STAG3: variants seen among roughly 807,000 people sequenced by gnomAD.
STAG3 encodes the protein cohesin subunit SA-3.
In STAG3, 101 loss-of-function variants were observed where a neutral mutation model predicts 160.7. The ratio of observed to expected loss-of-function variants is 0.63; its 90% CI spans 0.54 to 0.74. The LOEUF is 0.74. Ranked by LOEUF, STAG3 falls within the 30% of genes least tolerant of loss-of-function variation. STAG3 has a pLI of 0.00. For synonymous variants in STAG3, 519 were observed against 585.0 expected, an observed-to-expected ratio of 0.89 and a Z score of 1.63; for missense variants, 1,188 against 1,517.4, an observed-to-expected ratio of 0.78 and a Z score of 3.61.
chr7:100,194,527 C>T (rs931975397), intron 8 of STAG3, among the ~76,000 whole-genome samples: 2 of 152,180 alleles, frequency 1.3e-5, no homozygotes, highest in African/African-American at 4.8e-5. Context: ...TGGCCCATGC[C>T]TGTAATCCCA....
intron 4 of STAG3, among the ~76,000 whole-genome samples, chr7:100,185,359 G>A (rs576682536): frequency 6.6e-6 from 1 of 152,286 alleles, no homozygotes; most frequent in South Asian, 2.1e-4. Flanking sequence ...CACTTTGGGA[G>A]GCTAAGGTGG....
At chr7:100,197,044 C>T (rs1800734599) in intron 9 of STAG3, 112 bp from the exon 10 acceptor site, 6 of 931,812 alleles carry the variant, frequency 6.4e-6, no homozygotes, top group Non-Finnish European at 1.0e-5. Context: ...GCATGGGGTA[C>T]ATGGCATTTC....
downstream of STAG3, among the ~76,000 whole-genome samples, chr7:100,217,529 CAAAG>C (rs1251605970): frequency 3.3e-5 from 5 of 151,710 alleles, no homozygotes; most frequent in African/African-American, 1.2e-4. Context: ...AGACACAAGA[CAAAG>C]AGATAGAAGA....
intron 6 of STAG3, 89 bp from the exon 7 acceptor site, chr7:100,188,723 A>T: frequency 1.5e-6 from 2 of 1,344,948 alleles, no homozygotes; most frequent in Non-Finnish European, 2.1e-6. Context: ...AGATATTTTT[A>T]CTGGACTGTT....
intron 31 of STAG3, 67 bp from the exon 32 acceptor site, chr7:100,211,728 G>A (rs1802229021): frequency 6.4e-7 from 1 of 1,550,966 alleles, no homozygotes. Context: ...CACCCCGGGT[G>A]TCTGAGAAAC....
chr7:100,216,699 G>C (rs1240936477), downstream of STAG3, among the ~76,000 whole-genome samples: 1 of 151,932 alleles, frequency 6.6e-6, no homozygotes, highest in African/African-American at 2.4e-5. Flanking sequence ...TACTCGGGAG[G>C]CTGAGACAGG....
At position 100,197,259 on chromosome 7, in the gene STAG3, G is replaced by A. The variant is rs1352616907; in HGVS notation, c.1045G>A (p.Gly349Ser). The change falls in exon 10 of 34, where the codon GGT (glycine) becomes AGT (serine). Residue 349 changes from glycine (G) to serine (S), a missense_variant. By Grantham distance (56) the Gly-to-Ser change is moderately conservative. Coordinates refer to ENST00000615138, the MANE Select transcript of STAG3 (RefSeq NM_001282717.2). ...FLTDSYLKYI[G>S]WTLHDKHREV... is the part of the protein sequence containing the mutation. ...CACCGACAGCTATTTAAAATATATTGGTTGGACTCTGCATGATAAGGTGGG... is the reference window on the plus strand; with the variant it reads ...CACCGACAGCTATTTAAAATATATTAGTTGGACTCTGCATGATAAGGTGGG... The A allele has an allele frequency of 1.2e-6, 2 of 1,606,614 alleles. No homozygotes were observed. The highest frequency in any genetic ancestry group is 1.7e-6 in the Non-Finnish European group (2 of 1,175,866).
intron 18 of STAG3, 39 bp downstream of exon 18, chr7:100,200,581 C>A: frequency 6.2e-7 from 1 of 1,604,448 alleles, no homozygotes; most frequent in Non-Finnish European, 8.5e-7. Context: ...TGCTTGCCTG[C>A]CAGGGCCAAA....
chr7:100,189,857 T>C (rs1402520492), intron 8 of STAG3, among the ~76,000 whole-genome samples: 1 of 151,880 alleles, frequency 6.6e-6, no homozygotes, highest in Admixed American at 6.6e-5. Flanking sequence ...GCACTCATTG[T>C]TAGGAGTGTT....
In STAG3 at chr7:100,200,483, C is replaced by T; in HGVS notation, c.1801C>T (p.Leu601=). 1 of 1,614,162 alleles carries T rather than the reference C, an allele frequency of 6.2e-7. No individual in the cohort carries two copies. The highest frequency in any genetic ancestry group is 8.5e-7 in the Non-Finnish European group (1 of 1,180,040). ...AGCTGATGCAGAGAAGGTCACTCCC[C>T]TGCTCCAGCTTCTCAGCTGCTTTGA... The part of the protein sequence containing the change: ...FSADAEKVTP[L]LQLLSCFDLH... Residue 601 remains leucine, a synonymous_variant, in exon 18 of 34, where the codon CTG becomes TTG. Coordinates refer to ENST00000615138, the MANE Select transcript of STAG3 (RefSeq NM_001282717.2).
At chr7:100,193,593 T>A (rs1289464505) in intron 8 of STAG3, among the ~76,000 whole-genome samples, 1 of 152,252 alleles carries the variant, frequency 6.6e-6, no homozygotes, top group Non-Finnish European at 1.5e-5. Context: ...GGAGAGGGCT[T>A]CTTTCCTTAA....
In STAG3 at chr7:100,213,765, C is replaced by G; in HGVS notation, c.3631C>G (p.Arg1211Gly). 1 of 1,614,220 alleles carries G rather than the reference C, an allele frequency of 6.2e-7. No homozygotes were observed. The highest frequency in any genetic ancestry group is 1.7e-5 in the Admixed American group (1 of 60,024). Residue 1211 changes from arginine (R) to glycine (G), a missense_variant, in exon 33 of 34, where the codon CGC (arginine) becomes GGC (glycine). By Grantham distance (125) the Arg-to-Gly change is moderately radical (BLOSUM62 -2). Coordinates refer to ENST00000615138, the MANE Select transcript of STAG3 (RefSeq NM_001282717.2). ...AAGTAGCTACTCTTCCACCAGTGAGCGCGGGCTGGACCTCTTAGATTCTAC... is the reference window on the plus strand; with the variant it reads ...AAGTAGCTACTCTTCCACCAGTGAGGGCGGGCTGGACCTCTTAGATTCTAC... ...QASSYSSTSE[R>G]GLDLLDSTEL...
chr7:100,218,244 G>A (rs944437149), downstream of STAG3: 1 of 160,116 alleles, frequency 6.2e-6, no homozygotes, highest in African/African-American at 2.5e-5. Context: ...GTATGGCCTG[G>A]TTTTTCCTAG....
chr7:100,199,305 G>C lies in STAG3; in HGVS notation c.1511G>C (p.Cys504Ser), dbSNP rs539090342. The C allele has an allele frequency of 4.3e-6, 7 of 1,614,204 alleles. No homozygotes were observed. In the South Asian group the frequency reaches 4.4e-5, roughly 10 times the overall value. ...AAYLVDSLWD[C>S]AGARLKDWEG... The stretch of plus-strand genomic sequence containing the variant: ...TACTTAGTAGACAGTCTGTGGGACT[G>C]TGCAGGGGCTCGGCTGAAGGACTGG... The change falls in exon 15 of 34, where the codon TGT (cysteine) becomes TCT (serine). Residue 504 changes from cysteine (C) to serine (S), a missense_variant. Coordinates refer to ENST00000615138, the MANE Select transcript of STAG3 (RefSeq NM_001282717.2).
chr7:100,182,578 T>G, intron 3 of STAG3, 145 bp from the exon 4 acceptor site: 3 of 840,788 alleles, frequency 3.6e-6, no homozygotes, highest in Non-Finnish European at 3.8e-6. Context: ...AAAAATCAAT[T>G]ATTTCAGGAC....
At chr7:100,182,054 G>T (rs751758656) in intron 2 of STAG3, 36 bp from the exon 3 acceptor site, 2 of 1,503,926 alleles carry the variant, frequency 1.3e-6, no homozygotes, top group Admixed American at 1.7e-5. Flanking sequence ...AGGGAATAGG[G>T]TGGTTATATT....
intron 29 of STAG3, among the ~76,000 whole-genome samples, chr7:100,210,712 TAC>T (rs1802109432): frequency 6.6e-6 from 1 of 152,232 alleles, no homozygotes; most frequent in Non-Finnish European, 1.5e-5. Context: ...GTTCACCTGT[TAC>T]AGTTTATCTG....
intron 25 of STAG3, among the ~76,000 whole-genome samples, chr7:100,203,314 T>C (rs1801316415): frequency 6.6e-6 from 1 of 151,648 alleles, no homozygotes; most frequent in Non-Finnish European, 1.5e-5. Context: ...GCCTCCCAAG[T>C]AGCTGGGATT....
chr7:100,205,361 G>A lies in STAG3; in HGVS notation c.3215G>A (p.Ser1072Asn). 1.2e-6 allele frequency: 2 copies of A among 1,613,708 alleles called. No homozygotes were observed. The highest frequency in any genetic ancestry group is 1.7e-6 in the Non-Finnish European group (2 of 1,179,850). The change falls in exon 29 of 34, where the codon AGC becomes AAC. Residue 1072 changes from serine to asparagine, a missense_variant. Physicochemically the swap from Ser to Asn is conservative, Grantham distance 46. Transcript: ENST00000615138. ...TAETSPQVLP[S>N]SKRRRVEGPA... ...GAGACCAGCCCTCAGGTCCTCCCCA[G>A]CTCCAAGAGGAGGCGCGTTGAAGGT...
Sources: gnomAD v4.1 joint callset for allele counts (sites outside exome capture counted in the v4.1 genomes callset) on GRCh38, gnomAD v4.1.1 for gene constraint, MANE v1.5 for transcripts, NCBI Gene and HGNC (gene_info 2026-07-23, HGNC 2026-07-21) for gene names.